MYO9B: variants seen among roughly 807,000 people sequenced by gnomAD.
The protein encoded by MYO9B is unconventional myosin-IXb.
MYO9B carries 71 observed loss-of-function variants against 229.5 expected under a neutral mutation model. The observed-to-expected ratio is 0.31, with a 90% CI of 0.26 to 0.38. MYO9B has a LOEUF of 0.38. Ranked by LOEUF, MYO9B falls within the 10% of genes least tolerant of loss-of-function variation. MYO9B has a pLI of 1.00. For missense variants in MYO9B, 2,255 were observed against 2,920.5 expected (o/e 0.77, Z 5.25); for synonymous variants, 1,185 against 1,235.8 (o/e 0.96, Z 0.86).
chr19:17,191,576 C>A (rs11667526), intron 20 of MYO9B, among the ~76,000 whole-genome samples: 10,685 of 152,234 alleles, frequency 0.07, 488 homozygotes, highest in Non-Finnish European at 0.11. Context: ...GAGACTGTCT[C>A]CCATCTCTGG....
chr19:17,197,918 G>C, intron 23 of MYO9B, 60 bp downstream of exon 23: 1 of 1,586,792 alleles, frequency 6.3e-7, no homozygotes, highest in Non-Finnish European at 8.6e-7. Flanking sequence ...GCCAGGCGTG[G>C]TGGCGCTTGC....
At chr19:17,185,271 G>A (rs552057051) in intron 17 of MYO9B, among the ~76,000 whole-genome samples, 146 of 151,926 alleles carry the variant, frequency 9.6e-4, no homozygotes, top group African/African-American at 3.4e-3. Flanking sequence ...CTACTCGGGA[G>A]GCTGAGGCAA....
chr19:17,090,118 C>CTCTTTTTTTTTT, intron 1 of MYO9B, among the ~76,000 whole-genome samples: 1 of 49,176 alleles, frequency 2.0e-5, no homozygotes, highest in Admixed American at 3.2e-4. Flanking sequence ...TGCTTCCTTC[C>CTCTTTTTTTTTT]TTTTTTTTTT....
chr19:17,133,434 C>T (rs1319209755), intron 2 of MYO9B, among the ~76,000 whole-genome samples: 3 of 152,090 alleles, frequency 2.0e-5, no homozygotes, highest in African/African-American at 7.2e-5. Context: ...CCTGCCGCCA[C>T]CCCCGGTAAC....
chr19:17,142,128 A>G (rs575846642), intron 2 of MYO9B, among the ~76,000 whole-genome samples: 1 of 151,176 alleles, frequency 6.6e-6, no homozygotes, highest in Admixed American at 6.6e-5. Flanking sequence ...GCAGTGAGCT[A>G]TGATTACACC....
At chr19:17,161,764 C>T (rs1425817759) in intron 8 of MYO9B, among the ~76,000 whole-genome samples, 1 of 151,868 alleles carries the variant, frequency 6.6e-6, no homozygotes, top group Non-Finnish European at 1.5e-5. Context: ...TGCAGTGAGC[C>T]AAGACTGTGT....
At chr19:17,080,217 A>G (rs2057522323) in intron 1 of MYO9B, among the ~76,000 whole-genome samples, 3 of 152,206 alleles carry the variant, frequency 2.0e-5, no homozygotes. Context: ...GAGCCCCGCT[A>G]GGGGTGTTTC....
intron 30 of MYO9B, 25 bp from the exon 31 acceptor site, chr19:17,205,238 G>A (rs1256191351): frequency 1.2e-6 from 2 of 1,610,536 alleles, no homozygotes; most frequent in African/African-American, 2.7e-5. Flanking sequence ...CACCCTCTGT[G>A]ACTCCCACCC....
chr19:17,156,455 C>T (rs972818960), intron 6 of MYO9B, among the ~76,000 whole-genome samples: 15 of 152,238 alleles, frequency 9.9e-5, no homozygotes, highest in South Asian at 2.1e-4. Context: ...TGCAGTGGCT[C>T]GTGCCAATAA....
intron 3 of MYO9B, among the ~76,000 whole-genome samples, chr19:17,151,184 A>G (rs2072472618): frequency 6.6e-6 from 1 of 152,074 alleles, no homozygotes. Flanking sequence ...AGGCTGAGGC[A>G]GGAGAATTGC....
chr19:17,161,022 C>G (rs1180149299), intron 8 of MYO9B, among the ~76,000 whole-genome samples: 1 of 150,144 alleles, frequency 6.7e-6, no homozygotes, highest in Non-Finnish European at 1.5e-5. Flanking sequence ...CCTTTTGCAT[C>G]TTTAGTAGAG....
intron 2 of MYO9B, among the ~76,000 whole-genome samples, chr19:17,105,085 T>A (rs1399963793): frequency 6.6e-6 from 1 of 152,092 alleles, no homozygotes; most frequent in Non-Finnish European, 1.5e-5. Context: ...CCACAGCTCT[T>A]CTCACTGCCT....
chr19:17,190,532 G>A (rs1462151939), intron 19 of MYO9B, among the ~76,000 whole-genome samples: 1 of 151,274 alleles, frequency 6.6e-6, no homozygotes, highest in African/African-American at 2.4e-5. Context: ...CAGCTTCCAG[G>A]GAGACTGAGG....
rs371331441 is a variant in MYO9B, at chr19:17,194,620, G to A, written c.3193G>A (p.Ala1065Thr). The change falls in exon 22 of 40, where the codon GCA becomes ACA. Residue 1065 changes from alanine to threonine, a missense_variant. By Grantham distance (58) the Ala-to-Thr change is moderately conservative (BLOSUM62 0). Around this residue, in one of 7 missense-constraint regions of MYO9B, gnomAD observed 679 missense variants for 770.2 expected, o/e 0.88. Transcript: ENST00000682292. Reference sequence around the variant, plus strand: ...GAAGGAGAGGGAAGCCCTGGAAGCCGCAAGAGCAGGTGCTGAGGAGGGCGG... The same window carrying A: ...GAAGGAGAGGGAAGCCCTGGAAGCCACAAGAGCAGGTGCTGAGGAGGGCGG... ...EEKEREALEA[A>T]RAGAEEGGQG... 9.3e-6 allele frequency: 15 copies of A among 1,612,832 alleles called. No homozygotes were observed. The highest frequency in any genetic ancestry group is 1.7e-4 in the Middle Eastern group (1 of 6,050).
chr19:17,150,745 G>A (rs1325881264), intron 3 of MYO9B, among the ~76,000 whole-genome samples: 1 of 141,612 alleles, frequency 7.1e-6, no homozygotes. Context: ...CACCGTGCCT[G>A]CCCCAGTATG....
At chr19:17,142,915 C>T (rs2072359445) in intron 2 of MYO9B, among the ~76,000 whole-genome samples, 1 of 152,110 alleles carries the variant, frequency 6.6e-6, no homozygotes, top group African/African-American at 2.4e-5. Context: ...AGAATTCAGG[C>T]AATTGCCATT....
intron 10 of MYO9B, among the ~76,000 whole-genome samples, chr19:17,166,061 G>A (rs961576042): frequency 6.7e-6 from 1 of 149,696 alleles, no homozygotes; most frequent in Admixed American, 6.6e-5. Flanking sequence ...TTTTTTTCTT[G>A]AGGCAGAGTC....
At position 17,170,831 on chromosome 19, in the gene MYO9B, T is replaced by TAAA. The variant is rs548201494; in HGVS notation, c.1794-1489_1794-1487dup. Reference sequence around the variant, plus strand: ...AGAGCAAGACCCCAGCTCTAAAAATTAAAAAAAAAAAAAAAAAAGTAGAGA... The same window carrying TAAA: ...AGAGCAAGACCCCAGCTCTAAAAATTAAAAAAAAAAAAAAAAAAAAAGTAGAGA... On this transcript the variant is annotated intron_variant, in intron 11 of 39. Coordinates refer to ENST00000682292, the MANE Select transcript of MYO9B (RefSeq NM_004145.4). Among the ~76,000 whole-genome samples, 451 of 120,862 alleles carry TAAA rather than the reference T, an allele frequency of 3.7e-3. 13 individuals are homozygous for TAAA. Among genetic ancestry groups the TAAA allele is most frequent in the Middle Eastern group, 0.026 (6 of 230 alleles). The allele number at this position is 120,862 out of a possible 152,430, so 79.3% of individuals were successfully genotyped here. A position where few individuals can be genotyped will look rare whatever the true frequency, so the allele number is the denominator to read the frequency against.
At chr19:17,132,525 A>ATTTTTTTTTTTTTT (rs35184435) in intron 2 of MYO9B, among the ~76,000 whole-genome samples, 1 of 116,362 alleles carries the variant, frequency 8.6e-6, no homozygotes, top group African/African-American at 3.5e-5. Flanking sequence ...TATTATTATT[A>ATTTTTTTTTTTTTT]TTTTTTTTTT....
Sources: gnomAD v4.1 joint callset for allele counts (sites outside exome capture counted in the v4.1 genomes callset) on GRCh38, gnomAD v4.1.1 for gene constraint, gnomAD v4.1.1 regional missense constraint, MANE v1.5 for transcripts, NCBI Gene and HGNC (gene_info 2026-07-23, HGNC 2026-07-21) for gene names.